The following GK5 variants were observed in gnomAD, a reference collection of about 807,000 sequenced individuals.
The protein encoded by GK5 is ATP:glycerol 3-phosphotransferase 5.
In GK5, 39 loss-of-function variants were observed where a neutral mutation model predicts 77.3. That is an observed-to-expected ratio of 0.50 (90% CI 0.39 to 0.66). The LOEUF is 0.66. Ranked by LOEUF, GK5 falls within the 30% of genes least tolerant of loss-of-function variation. The probability of loss-of-function intolerance (pLI) is 0.00; values close to 1 mark genes in which losing one functional copy is unlikely to be tolerated. For synonymous variants in GK5, 211 were observed against 208.0 expected, an observed-to-expected ratio of 1.01 and a Z score of -0.13; for missense variants, 487 against 633.8, an observed-to-expected ratio of 0.77 and a Z score of 2.49.
rs959347261 is a variant in GK5, at chr3:142,186,052, C to T, written c.756-63G>A. The T allele has an allele frequency of 2.8e-6, 4 of 1,408,382 alleles. No individual in the cohort carries two copies. In the African/African-American group the frequency reaches 4.3e-5, roughly 15 times the overall value. 87.2% of individuals were successfully genotyped at this position (1,408,382 alleles called of 1,614,324 possible). A position where few individuals can be genotyped will look rare whatever the true frequency, so the allele number is the denominator to read the frequency against. ...TAGAAATATTAGTTTTAAAACTCAG[C>T]AAATTGTTTTTTTGCATAAGCCAAA... On this transcript the variant is annotated intron_variant, in intron 8 of 15. Coordinates refer to ENST00000392993, the MANE Select transcript of GK5 (RefSeq NM_001039547.3).
chr3:142,184,274 A>AAAG (rs2063737211), intron 9 of GK5, among the ~76,000 whole-genome samples: 1 of 149,012 alleles, frequency 6.7e-6, no homozygotes, highest in South Asian at 2.1e-4. Flanking sequence ...AAAAAAAAAA[A>AAAG]AAAAAAAAAA....
At chr3:142,220,465 G>A (rs1187814516) in intron 1 of GK5, among the ~76,000 whole-genome samples, 1 of 152,122 alleles carries the variant, frequency 6.6e-6, no homozygotes, top group Admixed American at 6.5e-5. Context: ...CAGTGAGTGG[G>A]CAGATGGTAC....
chr3:142,196,805 T>C (rs1451520794), intron 5 of GK5, among the ~76,000 whole-genome samples: 1 of 152,208 alleles, frequency 6.6e-6, no homozygotes, highest in Non-Finnish European at 1.5e-5. Flanking sequence ...TAGAGTTTTC[T>C]ATAAATGTCT....
chr3:142,190,807 T>G (rs981115845), intron 5 of GK5, among the ~76,000 whole-genome samples: 1 of 151,988 alleles, frequency 6.6e-6, no homozygotes, highest in Non-Finnish European at 1.5e-5. Flanking sequence ...GATCCCTCCT[T>G]CTAATCAACA....
At chr3:142,218,856 T>C (rs1389170942) in intron 1 of GK5, among the ~76,000 whole-genome samples, 2 of 152,142 alleles carry the variant, frequency 1.3e-5, no homozygotes, top group Non-Finnish European at 2.9e-5. Context: ...ATCCAGCACA[T>C]GACTAATATC....
chr3:142,184,641 GC>G (rs1394374052), intron 9 of GK5: 1 of 154,886 alleles, frequency 6.5e-6, no homozygotes, highest in East Asian at 1.9e-4. Flanking sequence ...TTCAAGACCA[GC>G]CTGGCCAACA....
intron 11 of GK5, among the ~76,000 whole-genome samples, chr3:142,179,168 T>C (rs1560213996): frequency 1.3e-5 from 2 of 152,222 alleles, no homozygotes; most frequent in African/African-American, 4.8e-5. Flanking sequence ...TGACTTTATA[T>C]CATTTTATGA....
In GK5 at chr3:142,186,441, A is replaced by G; in HGVS notation, c.681+11T>C. On this transcript the variant is annotated intron_variant, in intron 7 of 15. Transcript: ENST00000392993. Reference sequence around the variant, plus strand: ...ATGTGTGATTCAAAAAGAAGAAAAAAAAATTTTTACCTTATATGGGTCAAA... The same window carrying G: ...ATGTGTGATTCAAAAAGAAGAAAAAGAAATTTTTACCTTATATGGGTCAAA... 6.7e-7 allele frequency: 1 copy of G among 1,496,554 alleles called. No individual in the cohort carries two copies. The highest frequency in any genetic ancestry group is 9.0e-7 in the Non-Finnish European group (1 of 1,107,654). The allele number at this position is 1,496,554 out of a possible 1,614,324, so 92.7% of individuals were successfully genotyped here. A position where few individuals can be genotyped will look rare whatever the true frequency, so the allele number is the denominator to read the frequency against.
At chr3:142,180,692 C>A (rs1236590517) in intron 11 of GK5, among the ~76,000 whole-genome samples, 1 of 152,072 alleles carries the variant, frequency 6.6e-6, no homozygotes, top group African/African-American at 2.4e-5. Flanking sequence ...CCTCTTGCCA[C>A]TAAGCTAGGG....
At chr3:142,187,492 C>A (rs1211377872) in intron 6 of GK5, among the ~76,000 whole-genome samples, 1 of 151,898 alleles carries the variant, frequency 6.6e-6, no homozygotes, top group African/African-American at 2.4e-5. Flanking sequence ...ATAGTCCCAG[C>A]CACTCAGGGG....
chr3:142,182,538 G>A (rs2063711437), intron 10 of GK5, among the ~76,000 whole-genome samples: 1 of 152,050 alleles, frequency 6.6e-6, no homozygotes, highest in African/African-American at 2.4e-5. Context: ...TAGTAGAGAC[G>A]GGGTTTCACC....
intron 9 of GK5, among the ~76,000 whole-genome samples, chr3:142,184,041 G>A (rs963936894): frequency 4.0e-5 from 6 of 151,406 alleles, no homozygotes; most frequent in South Asian, 4.2e-4. Context: ...GGCAAATCAC[G>A]AGGTCAGGAG....
intron 5 of GK5, among the ~76,000 whole-genome samples, chr3:142,197,453 G>A (rs555846316): frequency 1.3e-5 from 2 of 152,214 alleles, no homozygotes; most frequent in South Asian, 4.2e-4. Context: ...TACAGTGACT[G>A]TTTACATGAT....
Position 142,172,426 on chromosome 3 carries a change from A to G in GK5, c.1174T>C (p.Ser392Pro). 6.2e-7 allele frequency: 1 copy of G among 1,603,594 alleles called. No homozygotes were observed. The highest frequency in any genetic ancestry group is 8.5e-7 in the Non-Finnish European group (1 of 1,172,542). The change falls in exon 13 of 16, where the codon TCT (serine) becomes CCT (proline). Residue 392 changes from serine (S) to proline (P), a missense_variant. This residue lies in a region of GK5 where 323 missense variants were observed against 437.4 expected (regional missense o/e 0.74). Transcript: ENST00000392993. ...APLNDPWACA[S>P]FMGLKPSTSK... is the part of the protein sequence containing the mutation. ...GTAGAAGGCTTCAAACCCATAAAAG[A>G]GGCACATGCCCAGGGGTCATTTAAT...
At chr3:142,202,820 G>A (rs899893947) in intron 4 of GK5, among the ~76,000 whole-genome samples, 4 of 152,192 alleles carry the variant, frequency 2.6e-5, no homozygotes, top group Non-Finnish European at 4.4e-5. Context: ...AGCCAGGCAT[G>A]GCGGCATGTG....
rs1043961676 is a variant in GK5, at chr3:142,225,567, G to C, written c.-112C>G. The C allele has an allele frequency of 7.2e-6, 10 of 1,384,070 alleles. No homozygotes were observed. Among genetic ancestry groups the C allele is most frequent in the Non-Finnish European group, 9.6e-6 (10 of 1,037,250 alleles). 85.7% of individuals were successfully genotyped at this position (1,384,070 alleles called of 1,614,324 possible). A position where few individuals can be genotyped will look rare whatever the true frequency, so the allele number is the denominator to read the frequency against. On this transcript the variant is annotated 5_prime_UTR_variant, in exon 1 of 16. Coordinates refer to ENST00000392993, the MANE Select transcript of GK5 (RefSeq NM_001039547.3). The stretch of plus-strand genomic sequence containing the variant: ...ACCCGGGCCCCAACCCGGCTCAGCC[G>C]GAGAGCCTAGAGAGGCCTGGCCCCT...
chr3:142,221,516 A>C (rs1343428038), intron 1 of GK5, among the ~76,000 whole-genome samples: 1 of 152,218 alleles, frequency 6.6e-6, no homozygotes, highest in Non-Finnish European at 1.5e-5. Context: ...GTATATAATA[A>C]AAGTTAATTT....
At chr3:142,208,349 G>T (rs1032465297) in intron 3 of GK5, among the ~76,000 whole-genome samples, 1 of 152,026 alleles carries the variant, frequency 6.6e-6, no homozygotes, top group Non-Finnish European at 1.5e-5. Flanking sequence ...GTCATTTAAG[G>T]AATCACTGCC....
rs1577161656 is a variant in GK5 at position 142,225,342 on chromosome 3, C to G, written c.114G>C (p.Arg38=). 3 of 1,561,890 alleles carry G rather than the reference C, an allele frequency of 1.9e-6. No homozygotes were observed. Among genetic ancestry groups the G allele is most frequent in the East Asian group, 2.4e-5 (1 of 41,674 alleles). ...SSVIRCHVYD[R]AARVCGSSVQ... Reference sequence around the variant, plus strand: ...CGCTGGAGCCGCAGACCCGCGCCGCCCGGTCATAGACGTGGCAGCGGATCA... The same window carrying G: ...CGCTGGAGCCGCAGACCCGCGCCGCGCGGTCATAGACGTGGCAGCGGATCA... Residue 38 remains arginine (R), a synonymous_variant, in exon 1 of 16, where the codon CGG becomes CGC. Transcript: ENST00000392993.
Sources: allele counts gnomAD v4.1 joint callset (sites outside exome capture counted in the v4.1 genomes callset), GRCh38; gene constraint gnomAD v4.1.1; regional missense constraint gnomAD v4.1.1; transcripts MANE v1.5; gene names NCBI Gene and HGNC (gene_info 2026-07-23, HGNC 2026-07-21).